The following CYP19A1 variants were observed in gnomAD, a reference collection of about 807,000 sequenced individuals.
CYP19A1 encodes cytochrome P450 family 19 subfamily A member 1, also known as aromatase.
In CYP19A1, 32 loss-of-function variants were observed where a neutral mutation model predicts 44.4. That is an observed-to-expected ratio of 0.72 (90% CI 0.54 to 0.97). CYP19A1 has a LOEUF of 0.97. CYP19A1 is among the 50% of genes least tolerant of loss of function. CYP19A1 has a pLI of 0.00. For synonymous variants in CYP19A1, 212 were observed against 215.6 expected (o/e 0.98, Z 0.14); for missense variants, 598 against 637.8 (o/e 0.94, Z 0.67).
chr15:51,334,696 T>C (rs2036750282), intron 1 of CYP19A1, among the ~76,000 whole-genome samples: 2 of 152,252 alleles, frequency 1.3e-5, no homozygotes, highest in South Asian at 4.1e-4. Context: ...GGTTACAATT[T>C]AAAGCCTACT....
At chr15:51,286,154 A>G (rs1197051225) in intron 1 of CYP19A1, among the ~76,000 whole-genome samples, 2 of 152,172 alleles carry the variant, frequency 1.3e-5, no homozygotes. Context: ...GAAGTCATCT[A>G]TAACAACTCT....
chr15:51,273,281 A>G (rs1289152799), intron 1 of CYP19A1, among the ~76,000 whole-genome samples: 1 of 152,164 alleles, frequency 6.6e-6, no homozygotes. Flanking sequence ...GAGAGAAACT[A>G]TATGATCAAT....
rs369359903 is a variant in CYP19A1, at chr15:51,223,591, T to A, written c.452-1066A>T. Among the ~76,000 whole-genome samples, 208 of 56,958 alleles carry A rather than the reference T, an allele frequency of 3.7e-3. 3 individuals are homozygous for A. The highest frequency in any genetic ancestry group is 0.01 in the African/African-American group (183 of 17,722). 37.4% of individuals were successfully genotyped at this position (56,958 alleles called of 152,430 possible). On this transcript the variant is annotated intron_variant, in intron 4 of 9. Transcript: ENST00000396402. ...CTCTTGCTCTCTCTCTCTCTCTCTC[T>A]CTCACACACACACACACACACACAC...
chr15:51,305,607 A>G (rs180799791), intron 1 of CYP19A1, among the ~76,000 whole-genome samples: 3 of 152,086 alleles, frequency 2.0e-5, no homozygotes. Flanking sequence ...GTCGCCCAGG[A>G]TGGAGTGCAA....
intron 1 of CYP19A1, among the ~76,000 whole-genome samples, chr15:51,335,483 C>G (rs535163348): frequency 6.6e-6 from 1 of 152,186 alleles, no homozygotes; most frequent in Non-Finnish European, 1.5e-5. Context: ...GTGTTTTATA[C>G]AAAAACCCCT....
chr15:51,308,796 C>T (rs1360217298), intron 1 of CYP19A1, among the ~76,000 whole-genome samples: 4 of 152,180 alleles, frequency 2.6e-5, no homozygotes, highest in African/African-American at 9.7e-5. Flanking sequence ...GTCTCCTCGT[C>T]TACCACACAG....
chr15:51,259,668 A>C (rs2034642810), intron 1 of CYP19A1, among the ~76,000 whole-genome samples: 1 of 152,236 alleles, frequency 6.6e-6, no homozygotes, highest in African/African-American at 2.4e-5. Flanking sequence ...CTTCCTCAAC[A>C]TCTTTAACAA....
chr15:51,243,672 A>G (rs2033915515), intron 1 of CYP19A1, among the ~76,000 whole-genome samples: 1 of 152,204 alleles, frequency 6.6e-6, no homozygotes. Context: ...GAATGAAAGG[A>G]ATGGGGAAGG....
At chr15:51,223,663 C>A (rs1176349654) in intron 4 of CYP19A1, among the ~76,000 whole-genome samples, 1 of 148,764 alleles carries the variant, frequency 6.7e-6, no homozygotes, top group African/African-American at 2.5e-5. Context: ...ATCCCCATGC[C>A]TAAAGGTATA....
chr15:51,321,177 T>C (rs79785867), intron 1 of CYP19A1: 7,092 of 153,086 alleles, frequency 0.046, 558 homozygotes, highest in African/African-American at 0.16. Flanking sequence ...TGCACACTGC[T>C]GGCCAAGCCC....
chr15:51,305,749 C>T (rs1301726396), intron 1 of CYP19A1, among the ~76,000 whole-genome samples: 11 of 151,996 alleles, frequency 7.2e-5, no homozygotes, highest in African/African-American at 1.9e-4. Context: ...TTAGTAGAAA[C>T]GGGGTTTCAC....
intron 1 of CYP19A1, among the ~76,000 whole-genome samples, chr15:51,288,886 C>T (rs147016177): frequency 3.9e-5 from 6 of 152,264 alleles, no homozygotes; most frequent in East Asian, 1.9e-4. Context: ...ACAGCCCTGC[C>T]GTCTCCCAGC....
chr15:51,212,210 A>C, intron 9 of CYP19A1, 110 bp downstream of exon 9: 1 of 841,198 alleles, frequency 1.2e-6, no homozygotes. Flanking sequence ...TGGCAGAGGG[A>C]ATGAGTAAGA....
At chr15:51,328,545 GGGGTGT>G in intron 1 of CYP19A1, among the ~76,000 whole-genome samples, 1 of 121,254 alleles carries the variant, frequency 8.2e-6, no homozygotes, top group East Asian at 2.4e-4. Flanking sequence ...TTACAGGGCA[GGGGTGT>G]GTGTGTGTGT....
intron 1 of CYP19A1, among the ~76,000 whole-genome samples, chr15:51,288,858 T>G (rs2035773690): frequency 6.6e-6 from 1 of 152,154 alleles, no homozygotes; most frequent in African/African-American, 2.4e-5. Flanking sequence ...CCATAGCGAC[T>G]AAACCAACAC....
chr15:51,259,711 A>G (rs2034644331), intron 1 of CYP19A1, among the ~76,000 whole-genome samples: 1 of 152,224 alleles, frequency 6.6e-6, no homozygotes, highest in South Asian at 2.1e-4. Context: ...GCTGCACCAG[A>G]CTGATATTCT....
chr15:51,248,588 A>G (rs182815402), intron 1 of CYP19A1, among the ~76,000 whole-genome samples: 91 of 152,304 alleles, frequency 6.0e-4, no homozygotes, highest in Admixed American at 4.0e-3. Context: ...TAATTCATGA[A>G]AAGTCAAATT....
At chr15:51,239,707 G>C (rs1350831834) in intron 2 of CYP19A1, among the ~76,000 whole-genome samples, 1 of 152,062 alleles carries the variant, frequency 6.6e-6, no homozygotes, top group Non-Finnish European at 1.5e-5. Context: ...GAGAGAGAGA[G>C]TGATTACAAA....
chr15:51,253,597 C>G (rs1237177494), intron 1 of CYP19A1, among the ~76,000 whole-genome samples: 1 of 152,288 alleles, frequency 6.6e-6, no homozygotes, highest in East Asian at 1.9e-4. Context: ...CCCACATTTT[C>G]TATCCACCTA....
Sources: gnomAD v4.1 joint callset for allele counts (sites outside exome capture counted in the v4.1 genomes callset) on GRCh38, gnomAD v4.1.1 for gene constraint, MANE v1.5 for transcripts, NCBI Gene and HGNC (gene_info 2026-07-23, HGNC 2026-07-21) for gene names.